RPS6KA5: variants seen among roughly 807,000 people sequenced by gnomAD.
The protein encoded by RPS6KA5 is ribosomal protein S6 kinase A5, also known as ribosomal protein S6 kinase alpha-5.
RPS6KA5 carries 27 observed loss-of-function variants against 85.5 expected under a neutral mutation model. The observed-to-expected ratio is 0.32, with a 90% CI of 0.23 to 0.44. The LOEUF (loss-of-function observed/expected upper bound fraction) is 0.44, where lower values mean the gene tolerates loss of function less well. Ranked by LOEUF, RPS6KA5 falls within the 20% of genes least tolerant of loss-of-function variation. The pLI, the probability that RPS6KA5 is intolerant of heterozygous loss-of-function variation, is 1.00. For missense variants in RPS6KA5, 811 were observed against 980.9 expected (o/e 0.83, Z 2.31); for synonymous variants, 334 against 348.2 (o/e 0.96, Z 0.46).
intron 14 of RPS6KA5, among the ~76,000 whole-genome samples, chr14:90,886,782 C>A (rs999592966): frequency 6.6e-6 from 1 of 152,148 alleles, no homozygotes; most frequent in African/African-American, 2.4e-5. Context: ...ATTAATATAC[C>A]GTGTAAGCTC....
chr14:90,914,073 C>T (rs763946064), intron 7 of RPS6KA5, among the ~76,000 whole-genome samples: 5 of 152,156 alleles, frequency 3.3e-5, no homozygotes, highest in South Asian at 2.1e-4. Context: ...CTTCCTTTCA[C>T]GGCCCTTTCC....
intron 1 of RPS6KA5, among the ~76,000 whole-genome samples, chr14:91,035,257 G>A (rs1050911653): frequency 2.6e-5 from 4 of 151,168 alleles, no homozygotes; most frequent in Admixed American, 2.6e-4. Flanking sequence ...TATGAACCAC[G>A]CTGTACTAGT....
chr14:90,884,266 G>A (rs2034047183), intron 14 of RPS6KA5, among the ~76,000 whole-genome samples: 1 of 152,170 alleles, frequency 6.6e-6, no homozygotes, highest in African/African-American at 2.4e-5. Flanking sequence ...TGAGGGTGGG[G>A]AATGGGTGGC....
At chr14:90,887,530 CT>C (rs2034302966) in intron 14 of RPS6KA5, among the ~76,000 whole-genome samples, 1 of 151,832 alleles carries the variant, frequency 6.6e-6, no homozygotes, top group Non-Finnish European at 1.5e-5. Flanking sequence ...AGTATCACAT[CT>C]AAAAAAAATT....
intron 5 of RPS6KA5, among the ~76,000 whole-genome samples, chr14:90,926,835 G>A (rs553555286): frequency 6.6e-5 from 10 of 151,968 alleles, no homozygotes; most frequent in Non-Finnish European, 1.2e-4. Flanking sequence ...GAAATCTAAC[G>A]TATGTATTTC....
rs181450876 is a variant in RPS6KA5 at position 90,869,460 on chromosome 14, A to G, written c.*2614T>C. ...ATTCTTGCCTCTCAATTTGTCATAT[A>G]CAGTTACAAAATATATGAATCAGGA... On this transcript the variant is annotated 3_prime_UTR_variant, in exon 17 of 17. Coordinates refer to ENST00000614987, the MANE Select transcript of RPS6KA5 (RefSeq NM_004755.4). 1.3e-5 allele frequency: 2 copies of G among 152,294 alleles called. No individual in the cohort carries two copies. The highest frequency in any genetic ancestry group is 1.3e-4 in the Admixed American group (2 of 15,292). The allele number at this position is 152,294 out of a possible 1,614,324, so 9.4% of individuals were successfully genotyped here.
chr14:90,921,883 TTAA>T (rs1397175745), intron 6 of RPS6KA5, among the ~76,000 whole-genome samples: 3 of 152,162 alleles, frequency 2.0e-5, no homozygotes, highest in Non-Finnish European at 4.4e-5. Context: ...GATAAAGCTA[TTAA>T]TAAAACAGAA....
In RPS6KA5 at chr14:90,860,889, ATTT is replaced by A. The variant is rs565344552; in HGVS notation, c.*11182_*11184del. 8.8e-4 allele frequency: 112 copies of A among 127,576 alleles called. No homozygotes were observed. In the East Asian group the frequency reaches 0.024, roughly 27 times the overall value. 7.9% of individuals were successfully genotyped at this position (127,576 alleles called of 1,614,324 possible). The stretch of plus-strand genomic sequence containing the variant: ...TGAGCAAACAAACAATATAGAGTCT[ATTT>A]TTTTTTTTTTTTTTTTGAGATGGAG... On this transcript the variant is annotated 3_prime_UTR_variant, in exon 17 of 17. Coordinates refer to ENST00000614987, the MANE Select transcript of RPS6KA5 (RefSeq NM_004755.4).
At chr14:90,951,523 A>C (rs1427645306) in intron 3 of RPS6KA5, among the ~76,000 whole-genome samples, 1 of 152,124 alleles carries the variant, frequency 6.6e-6, no homozygotes, top group African/African-American at 2.4e-5. Flanking sequence ...ACCATGTCCT[A>C]AAAATTTTGA....
At chr14:90,914,193 G>A (rs1268121040) in intron 7 of RPS6KA5, among the ~76,000 whole-genome samples, 2 of 152,008 alleles carry the variant, frequency 1.3e-5, no homozygotes, top group Admixed American at 6.6e-5. Flanking sequence ...AGCATCATCA[G>A]GGAAACAACA....
At position 90,932,043 on chromosome 14, in the gene RPS6KA5, C is replaced by G. The variant is rs117002216; in HGVS notation, c.619-8847G>C. On this transcript the variant is annotated intron_variant, in intron 5 of 16. Transcript: ENST00000614987. The stretch of plus-strand genomic sequence containing the variant: ...AATTAATCCACCACATACTCTTTAC[C>G]TGCACCAGTGCAGCTACACATTGTT... Among the ~76,000 whole-genome samples, 1,134 of 152,318 alleles carry G rather than the reference C, an allele frequency of 7.4e-3. 13 individuals are homozygous for G. The highest frequency in any genetic ancestry group is 0.014 in the Middle Eastern group (4 of 294).
At chr14:90,947,787 C>T (rs938963581) in intron 3 of RPS6KA5, among the ~76,000 whole-genome samples, 1 of 152,124 alleles carries the variant, frequency 6.6e-6, no homozygotes, top group Non-Finnish European at 1.5e-5. Context: ...GCCATTAAAA[C>T]TATTACTAAA....
intron 2 of RPS6KA5, among the ~76,000 whole-genome samples, chr14:90,992,821 CT>C (rs34983750): frequency 0.018 from 2,752 of 152,178 alleles, 63 homozygotes; most frequent in African/African-American, 0.064. Context: ...TTTCTCACAC[CT>C]TTTTTCAATC....
At chr14:90,882,443 G>A (rs1353800019) in intron 14 of RPS6KA5, among the ~76,000 whole-genome samples, 2 of 152,132 alleles carry the variant, frequency 1.3e-5, no homozygotes, top group Non-Finnish European at 2.9e-5. Flanking sequence ...TTTACAACTG[G>A]CCTTGTATTT....
At chr14:91,039,538 T>C (rs1312135805) in intron 1 of RPS6KA5, among the ~76,000 whole-genome samples, 2 of 152,188 alleles carry the variant, frequency 1.3e-5, no homozygotes, top group Non-Finnish European at 2.9e-5. Context: ...ACTCCATTAG[T>C]TGAAGGTTGC....
chr14:91,022,015 T>C (rs1595492036), intron 1 of RPS6KA5, among the ~76,000 whole-genome samples: 1 of 152,212 alleles, frequency 6.6e-6, no homozygotes, highest in Non-Finnish European at 1.5e-5. Flanking sequence ...ATTTAGATCA[T>C]ATATTTATGC....
chr14:91,036,181 T>C (rs561500167), intron 1 of RPS6KA5, among the ~76,000 whole-genome samples: 5 of 152,166 alleles, frequency 3.3e-5, no homozygotes, highest in African/African-American at 7.2e-5. Flanking sequence ...ATGGCCCAAC[T>C]TGTATACTGG....
intron 5 of RPS6KA5, among the ~76,000 whole-genome samples, chr14:90,940,203 G>C (rs1005571514): frequency 6.6e-6 from 1 of 152,148 alleles, no homozygotes; most frequent in Non-Finnish European, 1.5e-5. Flanking sequence ...AACCCTTAAA[G>C]CTTAATAGTA....
Position 91,041,000 on chromosome 14 carries a change from C to T in RPS6KA5, c.103+19332G>A, listed in dbSNP as rs12433957. ...GTAGAAACAGCTGGTATCAACTGCTCTTGCAAAAACTAGTGGAAGGAGGGA... is the reference window on the plus strand; with the variant it reads ...GTAGAAACAGCTGGTATCAACTGCTTTTGCAAAAACTAGTGGAAGGAGGGA... On this transcript the variant is annotated intron_variant, in intron 1 of 16. Transcript: ENST00000614987. 8.2e-3 allele frequency among the ~76,000 whole-genome samples: 1,247 copies of T among 152,218 alleles called. 13 individuals carry two copies. The highest frequency in any genetic ancestry group is 0.01 in the Middle Eastern group (3 of 292).
Sources: allele counts gnomAD v4.1 joint callset (sites outside exome capture counted in the v4.1 genomes callset), GRCh38; gene constraint gnomAD v4.1.1; transcripts MANE v1.5; gene names NCBI Gene and HGNC (gene_info 2026-07-23, HGNC 2026-07-21).